Variants in TUB observed in about 807,000 individuals in gnomAD.
TUB encodes the protein tubby protein homolog.
Under a neutral mutation model 59.7 loss-of-function variants are expected in TUB, and 33 were observed. The ratio of observed to expected loss-of-function variants is 0.55; its 90% CI spans 0.42 to 0.74. The LOEUF is 0.74. Among genes scored for constraint, TUB ranks in the 30% least tolerant of loss-of-function variants. The probability of loss-of-function intolerance (pLI) is 0.00; values close to 1 mark genes in which losing one functional copy is unlikely to be tolerated. For synonymous variants in TUB, 293 were observed against 256.4 expected, an observed-to-expected ratio of 1.14 and a Z score of -1.36; for missense variants, 659 against 672.0, an observed-to-expected ratio of 0.98 and a Z score of 0.21.
intron 2 of TUB, among the ~76,000 whole-genome samples, chr11:8,055,026 C>G (rs1176248607): frequency 6.6e-6 from 1 of 152,198 alleles, no homozygotes; most frequent in Non-Finnish European, 1.5e-5. Context: ...GGCCTAGATG[C>G]TCAGCCTGTG....
chr11:8,022,387 T>C (rs1482217570), intron 1 of TUB, among the ~76,000 whole-genome samples: 1 of 152,186 alleles, frequency 6.6e-6, no homozygotes, highest in Non-Finnish European at 1.5e-5. Flanking sequence ...TTGTTAATAG[T>C]TAACTTTCAC....
chr11:8,104,382 GCTTTC>G lies in TUB; in HGVS notation c.*2772_*2776del. The G allele has an allele frequency of 6.6e-6, 1 of 152,440 alleles. No individual in the cohort carries two copies. The highest frequency in any genetic ancestry group is 2.4e-5 in the African/African-American group (1 of 41,564). The allele number at this position is 152,440 out of a possible 1,614,324, so 9.4% of individuals were successfully genotyped here. The stretch of plus-strand genomic sequence containing the variant: ...CTTCCCCAACTCTTCTCCAAGTCTA[GCTTTC>G]CTTTCCTTCTGGCTCCAAGGTGCTC... On this transcript the variant is annotated 3_prime_UTR_variant, in exon 12 of 12. Transcript: ENST00000299506.
In TUB at chr11:8,096,801, G is replaced by T. The variant is rs140700813; in HGVS notation, c.682G>T (p.Val228Phe). 2.0e-5 allele frequency: 32 copies of T among 1,614,020 alleles called. No individual in the cohort carries two copies. The highest frequency in any genetic ancestry group is 3.3e-5 in the Admixed American group (2 of 60,004). ...RPSSATSRKS[V>F]REAASAPSPT... ...CAGCTCTGCTACTAGCAGGAAGTCC[G>T]TCAGGGTGAGTGAGTGAGTCTGCAT... Residue 228 changes from valine (V) to phenylalanine (F), a missense_variant, in exon 6 of 12, where the codon GTC becomes TTC. This residue lies in a region of TUB where 321 missense variants were observed against 304.3 expected (regional missense o/e 1.05). Coordinates refer to ENST00000299506, the MANE Select transcript of TUB (RefSeq NM_177972.3).
At chr11:8,092,478 AC>A (rs1455850003) in intron 3 of TUB, among the ~76,000 whole-genome samples, 1 of 151,846 alleles carries the variant, frequency 6.6e-6, no homozygotes, top group Non-Finnish European at 1.5e-5. Flanking sequence ...CAAGCCATTT[AC>A]CCTCTCTGGA....
upstream of TUB, among the ~76,000 whole-genome samples, chr11:8,038,172 C>T (rs1454271366): frequency 1.3e-5 from 2 of 152,114 alleles, no homozygotes; most frequent in African/African-American, 2.4e-5. Flanking sequence ...CATACCCCAA[C>T]GTGAGGTGCT....
At chr11:8,035,061 C>G (rs1942627528), upstream of TUB, among the ~76,000 whole-genome samples, 1 of 152,240 alleles carries the variant, frequency 6.6e-6, no homozygotes, top group South Asian at 2.1e-4. Context: ...TGTCCCTCCC[C>G]TCCAGGGCTG....
upstream of TUB, among the ~76,000 whole-genome samples, chr11:8,036,262 CTG>C (rs1942644818): frequency 6.6e-6 from 1 of 152,132 alleles, no homozygotes; most frequent in African/African-American, 2.4e-5. Flanking sequence ...CTGTTCCACT[CTG>C]TAATCTCCCT....
At chr11:8,088,732 C>T (rs1386323614) in intron 1 of TUB, among the ~76,000 whole-genome samples, 5 of 152,216 alleles carry the variant, frequency 3.3e-5, no homozygotes, top group Non-Finnish European at 7.3e-5. Context: ...ATGCATGTGT[C>T]TCTGGCTAGC....
chr11:8,032,430 T>A (rs1160141991), intron 1 of TUB, among the ~76,000 whole-genome samples: 1 of 152,196 alleles, frequency 6.6e-6, no homozygotes, highest in African/African-American at 2.4e-5. Context: ...CAAGTTTGGA[T>A]TGGATCAGTG....
chr11:8,080,445 G>T (rs1943527046), upstream of TUB, among the ~76,000 whole-genome samples: 1 of 152,212 alleles, frequency 6.6e-6, no homozygotes, highest in Non-Finnish European at 1.5e-5. Flanking sequence ...ACTTTCAGAT[G>T]ATCTTTGTAG....
At chr11:8,065,302 G>C (rs1444808662) in intron 2 of TUB, among the ~76,000 whole-genome samples, 1 of 152,176 alleles carries the variant, frequency 6.6e-6, no homozygotes, top group Non-Finnish European at 1.5e-5. Context: ...TCCCCATGGG[G>C]CCAGGGCATT....
intron 2 of TUB, among the ~76,000 whole-genome samples, chr11:8,050,848 T>C (rs538754283): frequency 9.2e-5 from 14 of 152,358 alleles, no homozygotes; most frequent in African/African-American, 3.1e-4. Context: ...CTTTTAACTT[T>C]TACTGGTTCC....
intron 2 of TUB, among the ~76,000 whole-genome samples, chr11:8,042,763 T>G (rs550992788): frequency 6.6e-6 from 1 of 152,192 alleles, no homozygotes; most frequent in Non-Finnish European, 1.5e-5. Context: ...TCTATTCATA[T>G]CTCTTATCCA....
upstream of TUB, among the ~76,000 whole-genome samples, chr11:8,081,059 C>G (rs1405339257): frequency 6.7e-6 from 1 of 149,594 alleles, no homozygotes; most frequent in Non-Finnish European, 1.5e-5. Flanking sequence ...TGGGAGCCGG[C>G]GCGGTCACGC....
At chr11:8,065,509 A>G (rs1248356308) in intron 2 of TUB, among the ~76,000 whole-genome samples, 1 of 152,232 alleles carries the variant, frequency 6.6e-6, no homozygotes, top group Admixed American at 6.5e-5. Context: ...CCTGCCTTAT[A>G]GGGCAGTCAA....
intron 2 of TUB, among the ~76,000 whole-genome samples, chr11:8,042,827 T>G (rs1193705471): frequency 6.6e-6 from 1 of 152,196 alleles, no homozygotes; most frequent in Non-Finnish European, 1.5e-5. Context: ...CTTTATATAT[T>G]CTAGGTAAAA....
chr11:8,088,220 A>C (rs936083621), intron 1 of TUB, among the ~76,000 whole-genome samples: 1 of 152,194 alleles, frequency 6.6e-6, no homozygotes, highest in African/African-American at 2.4e-5. Context: ...AAAAACATGC[A>C]TAGTCCTCAT....
intron 1 of TUB, among the ~76,000 whole-genome samples, chr11:8,020,525 A>C (rs1942408723): frequency 6.6e-6 from 1 of 152,068 alleles, no homozygotes; most frequent in East Asian, 1.9e-4. Context: ...CCTCTTTACT[A>C]GTGATCTCTC....
chr11:8,046,020 C>T (rs2133743646), intron 2 of TUB, among the ~76,000 whole-genome samples: 1 of 152,294 alleles, frequency 6.6e-6, no homozygotes, highest in African/African-American at 2.4e-5. Flanking sequence ...CAGATCAGTA[C>T]TCAGCCAGAG....
Sources: gnomAD v4.1 joint callset for allele counts (sites outside exome capture counted in the v4.1 genomes callset) on GRCh38, gnomAD v4.1.1 for gene constraint, gnomAD v4.1.1 regional missense constraint, MANE v1.5 for transcripts, NCBI Gene and HGNC (gene_info 2026-07-23, HGNC 2026-07-21) for gene names.